The following DUSP18 variants were observed in gnomAD, a reference collection of about 807,000 sequenced individuals.
DUSP18 encodes the protein dual specificity phosphatase 18.
DUSP18 carries 4 observed loss-of-function variants against 6.3 expected under a neutral mutation model. That is an observed-to-expected ratio of 0.63 (90% CI 0.31 to 1.45). The LOEUF (loss-of-function observed/expected upper bound fraction) is 1.45, where lower values mean the gene tolerates loss of function less well. DUSP18 is among the 40% of genes most tolerant of loss of function. The pLI is 0.07. For synonymous variants in DUSP18, 96 were observed against 95.1 expected (o/e 1.01, Z -0.05); for missense variants, 235 against 247.7 (o/e 0.95, Z 0.34).
chr22:30,659,477 G>A (rs550580423), downstream of DUSP18, among the ~76,000 whole-genome samples: 130 of 152,000 alleles, frequency 8.6e-4, 1 homozygote, highest in African/African-American at 3.0e-3. Flanking sequence ...GGGTTCAAGC[G>A]ATTCTTCCGC....
downstream of DUSP18, among the ~76,000 whole-genome samples, chr22:30,657,293 AC>A (rs1403666330): frequency 0.011 from 1,687 of 150,838 alleles, 17 homozygotes; most frequent in South Asian, 0.033. Flanking sequence ...ACACACACAC[AC>A]ACACACACAC....
Position 30,661,506 on chromosome 22 carries a change from T to C in DUSP18, c.*1931A>G, listed in dbSNP as rs1351410116. ...TCTTGTTGCCCAGGCTGGAGTGCAA[T>C]GGTGCAAGCTCGGCTCACTGCAACC... is the stretch of plus-strand genomic sequence containing the variant. On this transcript the variant is annotated 3_prime_UTR_variant, in exon 2 of 2. Coordinates refer to ENST00000334679, the MANE Select transcript of DUSP18 (RefSeq NM_152511.5). 1 of 149,062 alleles carries C rather than the reference T, an allele frequency of 6.7e-6. No homozygotes were observed. Among genetic ancestry groups the C allele is most frequent in the Admixed American group, 6.9e-5 (1 of 14,544 alleles). The allele number at this position is 149,062 out of a possible 1,614,324, so 9.2% of individuals were successfully genotyped here. A position where few individuals can be genotyped will look rare whatever the true frequency, so the allele number is the denominator to read the frequency against.
chr22:30,654,595 GT>G, intron 2 of DUSP18: 1 of 464,934 alleles, frequency 2.2e-6, no homozygotes, highest in African/African-American at 2.0e-5. Context: ...CCCGGAAGTG[GT>G]GGGGGCCCAG....
intron 2 of DUSP18, among the ~76,000 whole-genome samples, chr22:30,653,356 T>C (rs2088262744): frequency 6.6e-6 from 1 of 151,708 alleles, no homozygotes; most frequent in Non-Finnish European, 1.5e-5. Flanking sequence ...ACAACCCTCA[T>C]GTGCCCCCTT....
downstream of DUSP18, among the ~76,000 whole-genome samples, chr22:30,658,148 G>T (rs1254674995): frequency 1.3e-5 from 2 of 151,416 alleles, no homozygotes; most frequent in Non-Finnish European, 2.9e-5. Context: ...AATCTCTCGG[G>T]GTTCTAGTTC....
intron 2 of DUSP18, among the ~76,000 whole-genome samples, chr22:30,652,520 T>A (rs982027673): frequency 6.6e-6 from 1 of 152,252 alleles, no homozygotes; most frequent in Non-Finnish European, 1.5e-5. Context: ...TCTCCGAATG[T>A]TAGTTCAGCC....
At chr22:30,658,274 C>A (rs1410129384), downstream of DUSP18, among the ~76,000 whole-genome samples, 1 of 151,166 alleles carries the variant, frequency 6.6e-6, no homozygotes, top group Non-Finnish European at 1.5e-5. Flanking sequence ...TGCGGTTGCT[C>A]ATGCCTATAA....
chr22:30,661,888 G>A lies in DUSP18; in HGVS notation c.*1549C>T, dbSNP rs2088480570. On this transcript the variant is annotated 3_prime_UTR_variant, in exon 2 of 2. Coordinates refer to ENST00000334679, the MANE Select transcript of DUSP18 (RefSeq NM_152511.5). ...GATTCTAAACAAGGCTGCAGTCACT[G>A]TTTAGAAGTGATTGGGGGAAGCTGG... 6.6e-6 allele frequency: 1 copy of A among 152,180 alleles called. No individual in the cohort carries two copies. The highest frequency in any genetic ancestry group is 2.4e-5 in the African/African-American group (1 of 41,422). The allele number at this position is 152,180 out of a possible 1,614,324, so 9.4% of individuals were successfully genotyped here.
chr22:30,663,584 G>A lies in DUSP18; in HGVS notation c.420C>T (p.Ile140=), dbSNP rs761476552. ...AHTWTKSCRP[I]IRPNSGFWEQ... is the part of the protein sequence containing the mutation. ...CCCAAAAGCCGCTGTTGGGTCGGAT[G>A]ATGGGCCGGCATGACTTGGTCCACG... The change falls in exon 2 of 2, where the codon ATC becomes ATT. Residue 140 remains isoleucine (I), a synonymous_variant. Coordinates refer to ENST00000334679, the MANE Select transcript of DUSP18 (RefSeq NM_152511.5). 5 of 1,614,232 alleles carry A rather than the reference G, an allele frequency of 3.1e-6. No homozygotes were observed. In the East Asian group the frequency reaches 1.1e-4, roughly 36 times the overall value.
intron 1 of DUSP18, chr22:30,664,892 T>C (rs546092860): frequency 6.6e-6 from 1 of 152,662 alleles, no homozygotes; most frequent in Non-Finnish European, 1.5e-5. Context: ...CACACCTGCA[T>C]CATGCTGCCT....
chr22:30,663,551 G>A lies in DUSP18; in HGVS notation c.453C>T (p.Leu151=), dbSNP rs2088547471. 4.3e-6 allele frequency: 7 copies of A among 1,614,238 alleles called. No individual in the cohort carries two copies. Among genetic ancestry groups the A allele is most frequent in the Non-Finnish European group, 5.9e-6 (7 of 1,180,044 alleles). Residue 151 remains leucine, a synonymous_variant, in exon 2 of 2, where the codon CTC becomes CTT. Transcript: ENST00000334679. ...IRPNSGFWEQ[L]IHYEFQLFGK... ...CAAACAATTGGAACTCATAGTGGAT[G>A]AGCTGCTCCCAAAAGCCGCTGTTGG...
At chr22:30,666,244 T>G (rs1221487694) in intron 1 of DUSP18, among the ~76,000 whole-genome samples, 2 of 152,240 alleles carry the variant, frequency 1.3e-5, no homozygotes, top group Non-Finnish European at 2.9e-5. Flanking sequence ...CTGTTCATTA[T>G]AGCCACTAAA....
At chr22:30,654,196 G>T in intron 2 of DUSP18, 1 of 291,108 alleles carries the variant, frequency 3.4e-6, no homozygotes. Flanking sequence ...ATGTTAGCCA[G>T]GATGGTCTCA....
chr22:30,654,601 GC>G, intron 2 of DUSP18: 1 of 465,132 alleles, frequency 2.1e-6, no homozygotes, highest in Non-Finnish European at 4.3e-6. Context: ...AGTGGTGGGG[GC>G]CCAGAAGTGG....
intron 1 of DUSP18, 86 bp from the exon 2 acceptor site, chr22:30,664,166 T>C (rs2088572180): frequency 1.5e-6 from 1 of 650,072 alleles, no homozygotes; most frequent in African/African-American, 1.8e-5. Flanking sequence ...GATAGGCTTA[T>C]AGCATTCCCC....
intron 2 of DUSP18, among the ~76,000 whole-genome samples, chr22:30,653,488 C>T (rs1234386443): frequency 6.6e-6 from 1 of 151,942 alleles, no homozygotes; most frequent in Non-Finnish European, 1.5e-5. Context: ...TCTCCTGCCT[C>T]AGCCTCCTGA....
At chr22:30,664,170 A>G (rs1273888762) in intron 1 of DUSP18, 90 bp from the exon 2 acceptor site, 2 of 642,148 alleles carry the variant, frequency 3.1e-6, no homozygotes, top group Non-Finnish European at 5.5e-6. Flanking sequence ...GGCTTATAGC[A>G]TTCCCCAAGG....
intron 2 of DUSP18, among the ~76,000 whole-genome samples, chr22:30,652,911 G>C (rs2088251043): frequency 6.6e-6 from 1 of 152,236 alleles, no homozygotes; most frequent in Admixed American, 6.5e-5. Context: ...GGATTACCAG[G>C]AAGATGGGAT....
At chr22:30,661,136 C>T (rs994477085), downstream of DUSP18, among the ~76,000 whole-genome samples, 4 of 152,002 alleles carry the variant, frequency 2.6e-5, no homozygotes, top group South Asian at 2.1e-4. Context: ...CCACCACGCC[C>T]GGCCTCAATT....
Sources: allele counts gnomAD v4.1 joint callset (sites outside exome capture counted in the v4.1 genomes callset), GRCh38; gene constraint gnomAD v4.1.1; transcripts MANE v1.5; gene names NCBI Gene and HGNC (gene_info 2026-07-23, HGNC 2026-07-21).